Variants in FCGR2B observed in about 807,000 individuals in gnomAD.
The protein encoded by FCGR2B is low affinity immunoglobulin gamma Fc region receptor II-b.
Under a neutral mutation model 24.8 loss-of-function variants are expected in FCGR2B, and 18 were observed. The ratio of observed to expected loss-of-function variants is 0.73; its 90% CI spans 0.50 to 1.08. The LOEUF is 1.08. Among genes scored for constraint, FCGR2B ranks in the 50% least tolerant of loss-of-function variants. The probability of loss-of-function intolerance (pLI) is 0.00; values close to 1 mark genes in which losing one functional copy is unlikely to be tolerated. For missense variants in FCGR2B, 215 were observed against 297.6 expected, an observed-to-expected ratio of 0.72 and a Z score of 2.04; for synonymous variants, 79 against 109.8, an observed-to-expected ratio of 0.72 and a Z score of 1.75.
chr1:161,653,995 G>C, the FCGR2B span, among the ~76,000 whole-genome samples: 1 of 132,244 alleles, frequency 7.6e-6, no homozygotes, highest in African/African-American at 2.5e-5. Flanking sequence ...CCAATCGATT[G>C]TTCCAGTTTC....
At chr1:161,675,810 G>A (rs1011657757) in intron 6 of FCGR2B, 6 of 234,698 alleles carry the variant, frequency 2.6e-5, no homozygotes, top group Admixed American at 5.6e-5. Context: ...GGAACACTAG[G>A]AGGAGGTTTG....
chr1:161,651,976 A>AAAATAAAATAAAATAAAAT, the FCGR2B span, among the ~76,000 whole-genome samples: 2 of 111,840 alleles, frequency 1.8e-5, no homozygotes, highest in Non-Finnish European at 4.1e-5. Context: ...AAAATAAAAT[A>AAAATAAAATAAAATAAAAT]AAGATCTATG....
chr1:161,653,335 G>C, the FCGR2B span, among the ~76,000 whole-genome samples: 1 of 132,470 alleles, frequency 7.5e-6, no homozygotes, highest in South Asian at 2.7e-4. Flanking sequence ...GAACCAGGGA[G>C]GCAGAGTTTG....
chr1:161,667,601 CAT>C lies in FCGR2B; in HGVS notation c.113-2650_113-2649del, dbSNP rs1301928327. 4.5e-4 allele frequency among the ~76,000 whole-genome samples: 35 copies of C among 78,124 alleles called. 6 individuals are homozygous for C. Among genetic ancestry groups the C allele is most frequent in the African/African-American group, 1.8e-3 (34 of 18,584 alleles). 51.3% of individuals were successfully genotyped at this position (78,124 alleles called of 152,430 possible). On this transcript the variant is annotated intron_variant, in intron 1 of 7. Transcript: ENST00000358671. ...GGGGAGGGTGGGAGGTAAAGGCAAACATGTGCTCAAGGATAGGCAGTGGTAAG... is the reference window on the plus strand; with the variant it reads ...GGGGAGGGTGGGAGGTAAAGGCAAACGTGCTCAAGGATAGGCAGTGGTAAG...
chr1:161,654,136 G>A, the FCGR2B span, among the ~76,000 whole-genome samples: 1 of 134,638 alleles, frequency 7.4e-6, no homozygotes, highest in East Asian at 1.9e-4. Flanking sequence ...TTTCTTTGCT[G>A]CAATAGCCGC....
Position 161,675,299 on chromosome 1 carries a change from T to G in FCGR2B, c.803T>G (p.Leu268Arg). Residue 268 changes from leucine to arginine, a missense_variant, in exon 6 of 8, where the codon CTC (leucine) becomes CGC (arginine). Around this residue, in one of 5 missense-constraint regions of FCGR2B, gnomAD observed 81 missense variants for 81.6 expected, o/e 0.99. Coordinates refer to ENST00000358671, the MANE Select transcript of FCGR2B (RefSeq NM_001394477.1). ...YPECREMGETLPEKPANPTNP... is the reference protein window; with the variant it reads ...YPECREMGETRPEKPANPTNP... ...GAGTGCAGGGAAATGGGAGAGACCC[T>G]CCCTGAGAAACCAGGTGAGTACAGG... The G allele has an allele frequency of 1.2e-6, 2 of 1,602,904 alleles. No individual in the cohort carries two copies. The highest frequency in any genetic ancestry group is 1.7e-6 in the Non-Finnish European group (2 of 1,174,864).
At chr1:161,673,575 A>C (rs1681883014) in intron 4 of FCGR2B, 4 of 694,590 alleles carry the variant, frequency 5.8e-6, no homozygotes, top group East Asian at 2.9e-5. Flanking sequence ...CTCATGGCTC[A>C]TGTTACAGCC....
At chr1:161,676,210 A>G (rs991585710) in intron 6 of FCGR2B, 2 of 223,130 alleles carry the variant, frequency 9.0e-6, no homozygotes, top group African/African-American at 4.5e-5. Context: ...GGCAGAAAAA[A>G]GAGGCTGTCA....
In FCGR2B at chr1:161,677,469, TC is replaced by T; in HGVS notation, c.856-6del. 1 of 1,613,676 alleles carries T rather than the reference TC, an allele frequency of 6.2e-7. No individual in the cohort carries two copies. Among genetic ancestry groups the T allele is most frequent in the Non-Finnish European group, 8.5e-7 (1 of 1,179,628 alleles). On this transcript the variant is annotated splice_region_variant and splice_polypyrimidine_tract_variant and intron_variant, in intron 7 of 7. Coordinates refer to ENST00000358671, the MANE Select transcript of FCGR2B (RefSeq NM_001394477.1). ...GGATCCTTACTGCTGGTTTCTGCCT[TC>T]TCTAGGCTGAGAACACAATCACCTA...
the FCGR2B span, among the ~76,000 whole-genome samples, chr1:161,647,629 C>T: frequency 4.6e-5 from 7 of 150,624 alleles, 1 homozygote; most frequent in Non-Finnish European, 8.8e-5. Context: ...AATTTCACTC[C>T]CCTAGACCAT....
the FCGR2B span, among the ~76,000 whole-genome samples, chr1:161,650,511 T>C: frequency 6.8e-6 from 1 of 146,454 alleles, no homozygotes; most frequent in African/African-American, 2.6e-5. Flanking sequence ...GGGGCTATGC[T>C]CTCCACTGGA....
chr1:161,675,856 T>A (rs997374996), intron 6 of FCGR2B: 7 of 233,988 alleles, frequency 3.0e-5, no homozygotes, highest in African/African-American at 1.5e-4. Context: ...GGGGCACTAG[T>A]GGGCTCTACT....
chr1:161,660,909 A>G (rs532996904), upstream of FCGR2B, among the ~76,000 whole-genome samples: 3 of 69,670 alleles, frequency 4.3e-5, no homozygotes, highest in East Asian at 3.6e-4. Context: ...CAAAAAAAAA[A>G]AAAGAAAGAA....
Position 161,671,615 on chromosome 1 carries a change from C to T in FCGR2B, c.357C>T (p.Ser119=). 2 of 1,613,920 alleles carry T rather than the reference C, an allele frequency of 1.2e-6. No homozygotes were observed. Among genetic ancestry groups the T allele is most frequent in the Non-Finnish European group, 1.7e-6 (2 of 1,179,830 alleles). ...ACACGTGCCAGACTGGCCAGACCAG[C>T]CTCAGCGACCCTGTGCATCTGACTG... ...GEYTCQTGQT[S]LSDPVHLTVL... The change falls in exon 3 of 8, where the codon AGC becomes AGT. Residue 119 remains serine, a synonymous_variant. Coordinates refer to ENST00000358671, the MANE Select transcript of FCGR2B (RefSeq NM_001394477.1).
At chr1:161,663,539 G>GT (rs1292563877) in intron 1 of FCGR2B, 186 bp downstream of exon 1, 1 of 331,284 alleles carries the variant, frequency 3.0e-6, no homozygotes, top group East Asian at 8.0e-5. Context: ...AGAGTTCAGG[G>GT]TTTTTTCAGT....
Position 161,672,988 on chromosome 1 carries a change from C to G in FCGR2B, c.405C>G (p.Leu135=), listed in dbSNP as rs778298410. The change falls in exon 4 of 8, where the codon CTC becomes CTG. Residue 135 remains leucine, a synonymous_variant. Coordinates refer to ENST00000358671, the MANE Select transcript of FCGR2B (RefSeq NM_001394477.1). The stretch of plus-strand genomic sequence containing the variant: ...TGTGTCTTTCAGAGTGGCTGGTGCT[C>G]CAGACCCCTCACCTGGAGTTCCAGG... ...HLTVLSEWLV[L]QTPHLEFQEG... 1 of 1,613,110 alleles carries G rather than the reference C, an allele frequency of 6.2e-7. No individual in the cohort carries two copies. Among genetic ancestry groups the G allele is most frequent in the African/African-American group, 1.3e-5 (1 of 74,840 alleles).
chr1:161,650,151 G>A, the FCGR2B span, among the ~76,000 whole-genome samples: 4 of 148,916 alleles, frequency 2.7e-5, no homozygotes, highest in East Asian at 2.0e-4. Context: ...GGGACTACAC[G>A]CCACCATGCC....
At position 161,677,787 on chromosome 1, in the gene FCGR2B, C is replaced by T; in HGVS notation, c.*234C>T. 1 of 506,296 alleles carries T rather than the reference C, an allele frequency of 2.0e-6. No individual in the cohort carries two copies. Among genetic ancestry groups the T allele is most frequent in the Non-Finnish European group, 3.5e-6 (1 of 288,862 alleles). The allele number at this position is 506,296 out of a possible 1,614,324, so 31.4% of individuals were successfully genotyped here. On this transcript the variant is annotated 3_prime_UTR_variant, in exon 8 of 8. Transcript: ENST00000358671. ...GCTTCAGCTCTTCTTGACATCAAGG[C>T]TCTTCCGTTCCACATCCACACAGCC...
chr1:161,673,699 G>T, intron 4 of FCGR2B: 1 of 481,242 alleles, frequency 2.1e-6, no homozygotes, highest in South Asian at 2.3e-5. Context: ...GCCCCTGAGG[G>T]CTAAGGGGAG....
Sources: gnomAD v4.1 joint callset for allele counts (sites outside exome capture counted in the v4.1 genomes callset) on GRCh38, gnomAD v4.1.1 for gene constraint, gnomAD v4.1.1 regional missense constraint, MANE v1.5 for transcripts, NCBI Gene and HGNC (gene_info 2026-07-23, HGNC 2026-07-21) for gene names.